SEMA6D: variants seen among roughly 807,000 people sequenced by gnomAD.
The protein encoded by SEMA6D is semaphorin 6D.
SEMA6D carries 35 observed loss-of-function variants against 106.6 expected under a neutral mutation model. The observed-to-expected ratio is 0.33, with a 90% confidence interval of 0.25 to 0.44. The LOEUF (loss-of-function observed/expected upper bound fraction) is 0.44. Among genes scored for constraint, SEMA6D ranks in the 20% least tolerant of loss-of-function variants. The probability of loss-of-function intolerance (pLI) is 1.00; values close to 1 mark genes in which losing one functional copy is unlikely to be tolerated. For missense variants in SEMA6D, 1,185 were observed against 1,345.9 expected (o/e 0.88, Z 1.87); for synonymous variants, 499 against 487.7 (o/e 1.02, Z -0.31).
At chr15:47,339,226 G>A (rs2037705756) in intron 1 of SEMA6D, 1 of 152,124 alleles carries the variant, frequency 6.6e-6, no homozygotes, top group Admixed American at 6.6e-5. Flanking sequence ...AAATGTAAGT[G>A]TTTCCTTAAG....
At chr15:47,386,688 C>T (rs1182804023) in intron 1 of SEMA6D, among the ~76,000 whole-genome samples, 2 of 152,172 alleles carry the variant, frequency 1.3e-5, no homozygotes, top group African/African-American at 4.8e-5. Context: ...AGTGTGACCT[C>T]TGGGAACACC....
intron 3 of SEMA6D, among the ~76,000 whole-genome samples, chr15:47,557,673 G>C (rs1033457946): frequency 4.6e-5 from 7 of 152,086 alleles, no homozygotes; most frequent in Non-Finnish European, 1.0e-4. Context: ...GTATTTGCTG[G>C]GTTTTGGTTA....
chr15:47,214,969 T>C (rs1318815769), intron 1 of SEMA6D, among the ~76,000 whole-genome samples: 10 of 151,772 alleles, frequency 6.6e-5, no homozygotes, highest in Admixed American at 6.6e-4. Flanking sequence ...TACATGGATT[T>C]AAAAGCCTAT....
At chr15:47,252,188 A>AT (rs2033560869) in intron 1 of SEMA6D, among the ~76,000 whole-genome samples, 2 of 145,568 alleles carry the variant, frequency 1.4e-5, no homozygotes, top group South Asian at 4.2e-4. Context: ...AAGTGCTGGG[A>AT]TTACAGGCGT....
chr15:47,245,860 G>A (rs769991768), intron 1 of SEMA6D, among the ~76,000 whole-genome samples: 1 of 152,078 alleles, frequency 6.6e-6, no homozygotes. Flanking sequence ...AAAAAAATTT[G>A]TGTATAGATA....
At chr15:47,408,448 C>T (rs1342897422) in intron 1 of SEMA6D, among the ~76,000 whole-genome samples, 7 of 152,200 alleles carry the variant, frequency 4.6e-5, no homozygotes, top group Non-Finnish European at 8.8e-5. Flanking sequence ...ATGACTCTGA[C>T]TTCCTTCTAT....
chr15:47,637,566 C>T (rs1596499357), intron 4 of SEMA6D, among the ~76,000 whole-genome samples: 1 of 152,258 alleles, frequency 6.6e-6, no homozygotes, highest in East Asian at 1.9e-4. Flanking sequence ...TGCTCAGCAT[C>T]GTGTCAGTTT....
At chr15:47,638,430 C>A (rs1385968271) in intron 4 of SEMA6D, among the ~76,000 whole-genome samples, 2 of 152,160 alleles carry the variant, frequency 1.3e-5, no homozygotes, top group Non-Finnish European at 2.9e-5. Flanking sequence ...AGAATGATAT[C>A]AGACTACTGA....
chr15:47,400,004 A>G (rs2040345348), intron 1 of SEMA6D, among the ~76,000 whole-genome samples: 1 of 152,176 alleles, frequency 6.6e-6, no homozygotes, highest in African/African-American at 2.4e-5. Context: ...TCATACACTG[A>G]GTTGTGTTTG....
intron 4 of SEMA6D, among the ~76,000 whole-genome samples, chr15:47,661,295 C>T (rs531643397): frequency 1.3e-4 from 20 of 152,284 alleles, no homozygotes; most frequent in Non-Finnish European, 2.8e-4. Context: ...TTCTTTTTTA[C>T]TACTTGAACA....
chr15:47,573,044 C>T (rs1211421166), intron 3 of SEMA6D, among the ~76,000 whole-genome samples: 1 of 152,066 alleles, frequency 6.6e-6, no homozygotes, highest in African/African-American at 2.4e-5. Context: ...TAAATGTTCT[C>T]TGTGCCCGGC....
chr15:47,593,405 CAAAAAAAAAAAAAAAAA>C (rs35561269), intron 3 of SEMA6D, among the ~76,000 whole-genome samples: 2 of 59,930 alleles, frequency 3.3e-5, no homozygotes, highest in African/African-American at 6.6e-5. Context: ...AACTCCGTCT[CAAAAAAAAAAAAAAAAA>C]AAAAAAAAAA....
At chr15:47,417,460 A>G (rs1370922809) in intron 2 of SEMA6D, among the ~76,000 whole-genome samples, 3 of 151,102 alleles carry the variant, frequency 2.0e-5, no homozygotes, top group Non-Finnish European at 3.0e-5. Flanking sequence ...AGAGAGAGAG[A>G]ATATCAATGT....
At chr15:47,746,086 A>C (rs954676832) in intron 1 of SEMA6D, among the ~76,000 whole-genome samples, 1 of 152,210 alleles carries the variant, frequency 6.6e-6, no homozygotes, top group Non-Finnish European at 1.5e-5. Context: ...CAGAAGGCAA[A>C]TACTAATACA....
At chr15:47,548,788 ATG>A (rs2045599361) in intron 3 of SEMA6D, among the ~76,000 whole-genome samples, 1 of 152,188 alleles carries the variant, frequency 6.6e-6, no homozygotes, top group Non-Finnish European at 1.5e-5. Flanking sequence ...TTGTGCACAT[ATG>A]TGTATAATGT....
intron 2 of SEMA6D, among the ~76,000 whole-genome samples, chr15:47,416,282 C>G (rs993848295): frequency 6.6e-6 from 1 of 152,060 alleles, no homozygotes; most frequent in African/African-American, 2.4e-5. Flanking sequence ...TTTGTTCTCC[C>G]AAGAGAACAA....
intron 18 of SEMA6D, 23 bp downstream of exon 18, chr15:47,768,771 A>G (rs1319316797): frequency 6.2e-7 from 1 of 1,600,980 alleles, no homozygotes; most frequent in Non-Finnish European, 8.5e-7. Context: ...CAGGGACCTC[A>G]TCTCTAACTG....
At chr15:47,646,033 G>T (rs2077576688) in intron 4 of SEMA6D, among the ~76,000 whole-genome samples, 1 of 152,046 alleles carries the variant, frequency 6.6e-6, no homozygotes. Context: ...CCATCTTTCT[G>T]GGTTTTTATG....
chr15:47,204,150 A>G (rs978848411), intron 1 of SEMA6D, among the ~76,000 whole-genome samples: 9 of 152,144 alleles, frequency 5.9e-5, no homozygotes, highest in African/African-American at 2.2e-4. Context: ...GTGAGGAACT[A>G]TCACTCTGGC....
Sources: allele counts gnomAD v4.1 joint callset (sites outside exome capture counted in the v4.1 genomes callset), GRCh38; gene constraint gnomAD v4.1.1; transcripts MANE v1.5; gene names NCBI Gene and HGNC (gene_info 2026-07-23, HGNC 2026-07-21).